The following PRRX2 variants were observed in gnomAD, a reference collection of about 807,000 sequenced individuals.
PRRX2 encodes paired mesoderm homeobox protein 2.
In PRRX2, 11 loss-of-function variants were observed where a neutral mutation model predicts 18.0. That is an observed-to-expected ratio of 0.61 (90% CI 0.39 to 1.01). PRRX2 has a LOEUF of 1.01. Among genes scored for constraint, PRRX2 ranks in the 50% least tolerant of loss-of-function variants. The pLI is 0.01. For missense variants in PRRX2, 387 were observed against 351.0 expected, an observed-to-expected ratio of 1.10 and a Z score of -0.82; for synonymous variants, 177 against 154.8, an observed-to-expected ratio of 1.14 and a Z score of -1.06.
At chr9:129,718,275 T>C (rs1832740478) in intron 1 of PRRX2, among the ~76,000 whole-genome samples, 1 of 152,150 alleles carries the variant, frequency 6.6e-6, no homozygotes, top group South Asian at 2.1e-4. Context: ...ATTGGAGAAC[T>C]CTTGGGGATC....
intron 1 of PRRX2, among the ~76,000 whole-genome samples, chr9:129,683,855 G>A (rs899434897): frequency 6.6e-6 from 1 of 152,180 alleles, no homozygotes; most frequent in Admixed American, 6.5e-5. Context: ...CCCCCAGGCT[G>A]CACAGCCAGC....
chr9:129,712,608 A>T (rs927595060), intron 1 of PRRX2, among the ~76,000 whole-genome samples: 2 of 152,180 alleles, frequency 1.3e-5, no homozygotes, highest in Non-Finnish European at 2.9e-5. Context: ...ACTGTAATGT[A>T]ATCGGGGACG....
intron 2 of PRRX2, among the ~76,000 whole-genome samples, chr9:129,719,750 G>A (rs905455907): frequency 5.9e-5 from 9 of 152,184 alleles, no homozygotes; most frequent in African/African-American, 2.2e-4. Flanking sequence ...ACTTTGAGAG[G>A]CCGAGGTGGG....
intron 1 of PRRX2, among the ~76,000 whole-genome samples, chr9:129,698,432 C>G (rs1489182555): frequency 6.6e-6 from 1 of 152,218 alleles, no homozygotes; most frequent in Non-Finnish European, 1.5e-5. Context: ...CGAGTTCCCC[C>G]TGGTGTGCAG....
At chr9:129,717,439 G>A (rs1832723257) in intron 1 of PRRX2, among the ~76,000 whole-genome samples, 1 of 69,178 alleles carries the variant, frequency 1.4e-5, no homozygotes, top group South Asian at 7.6e-4. Context: ...GCTCACACCT[G>A]TAATCCCAGC....
chr9:129,719,259 C>A lies in PRRX2; in HGVS notation c.288C>A (p.Ser96Arg). 2 of 1,603,940 alleles carry A rather than the reference C, an allele frequency of 1.2e-6. No individual in the cohort carries two copies. Among genetic ancestry groups the A allele is most frequent in the Non-Finnish European group, 1.7e-6 (2 of 1,175,554 alleles). The change falls in exon 2 of 4, where the codon AGC (serine) becomes AGA (arginine). Residue 96 changes from serine to arginine, a missense_variant. Ser to Arg is a moderately radical substitution (Grantham distance 110). Coordinates refer to ENST00000372469, the MANE Select transcript of PRRX2 (RefSeq NM_016307.4). Reference sequence around the variant, plus strand: ...AGTGTCCCAGCCCGGGGCGCGGTAGCGCCGCCAAGCGGAAGAAGAAGCAGC... The same window carrying A: ...AGTGTCCCAGCCCGGGGCGCGGTAGAGCCGCCAAGCGGAAGAAGAAGCAGC... ...DGECPSPGRG[S>R]AAKRKKKQRR...
intron 1 of PRRX2, among the ~76,000 whole-genome samples, chr9:129,672,049 T>A (rs1186529385): frequency 6.6e-6 from 1 of 152,114 alleles, no homozygotes; most frequent in Non-Finnish European, 1.5e-5. Context: ...GGCAAGAATG[T>A]GGGGTCAGGC....
In PRRX2 at chr9:129,715,639, GA is replaced by G. The variant is rs1207317591; in HGVS notation, c.260-3591del. Among the ~76,000 whole-genome samples the G allele has an allele frequency of 1.3e-5, 2 of 151,922 alleles. No individual in the cohort carries two copies. Among genetic ancestry groups the G allele is most frequent in the East Asian group, 3.9e-4 (2 of 5,182 alleles). Reference sequence around the variant, plus strand: ...AGCACTCCTGGCCTCTTTACCATTAGATCCTAGTAGCACCCCTTCCCCAGTC... The same window carrying G: ...AGCACTCCTGGCCTCTTTACCATTAGTCCTAGTAGCACCCCTTCCCCAGTC... On this transcript the variant is annotated intron_variant, in intron 1 of 3. Coordinates refer to ENST00000372469, the MANE Select transcript of PRRX2 (RefSeq NM_016307.4). This position sits in a 1 kb window ranked among gnomAD's most constrained non-coding sequence, Gnocchi z 4.0.
chr9:129,679,401 G>A (rs1201276159), intron 1 of PRRX2, among the ~76,000 whole-genome samples: 1 of 152,144 alleles, frequency 6.6e-6, no homozygotes, highest in Non-Finnish European at 1.5e-5. Context: ...CATGATCCAA[G>A]AGGACCATTT....
intron 1 of PRRX2, among the ~76,000 whole-genome samples, chr9:129,674,417 G>C (rs149018833): frequency 2.0e-5 from 3 of 152,130 alleles, no homozygotes; most frequent in African/African-American, 7.2e-5. Context: ...GTTTGGGGGC[G>C]GTAGGAGGGG....
intron 1 of PRRX2, among the ~76,000 whole-genome samples, chr9:129,683,277 G>A (rs1176011969): frequency 2.6e-5 from 4 of 152,080 alleles, no homozygotes; most frequent in Admixed American, 2.0e-4. Context: ...TGACACACAC[G>A]GTCTCCCCTC....
intron 1 of PRRX2, among the ~76,000 whole-genome samples, chr9:129,688,035 A>T (rs549634541): frequency 6.6e-6 from 1 of 152,108 alleles, no homozygotes; most frequent in Admixed American, 6.5e-5. Context: ...AGCTAGGATT[A>T]CAAGTGTGCA....
chr9:129,722,283 C>T lies in PRRX2; in HGVS notation c.693C>T (p.Ser231=), dbSNP rs1832803430. The change falls in exon 4 of 4, where the codon AGC becomes AGT. Residue 231 remains serine (S), a synonymous_variant. Transcript: ENST00000372469. ...CCCCAGGGGTCAACATGGCCAACAG[C>T]ATCGCCAGCCTCCGTCTCAAGGCCA... is the stretch of plus-strand genomic sequence containing the variant. ...PATPGVNMAN[S]IASLRLKAKE... 2 of 1,613,932 alleles carry T rather than the reference C, an allele frequency of 1.2e-6. No individual in the cohort carries two copies. The highest frequency in any genetic ancestry group is 1.3e-5 in the African/African-American group (1 of 74,922).
intron 1 of PRRX2, among the ~76,000 whole-genome samples, chr9:129,682,930 C>G (rs1048866822): frequency 6.6e-6 from 1 of 151,642 alleles, no homozygotes; most frequent in East Asian, 1.9e-4. Flanking sequence ...CATGGTGAAC[C>G]CCCCCCATCT....
At position 129,666,045 on chromosome 9, in the gene PRRX2, G is replaced by A. The variant is rs1832015777; in HGVS notation, c.178G>A (p.Gly60Arg). 1 of 1,053,998 alleles carries A rather than the reference G, an allele frequency of 9.5e-7. No homozygotes were observed. The highest frequency in any genetic ancestry group is 1.1e-6 in the Non-Finnish European group (1 of 878,688). 65.3% of individuals were successfully genotyped at this position (1,053,998 alleles called of 1,614,324 possible). The change falls in exon 1 of 4, where the codon GGG becomes AGG. Residue 60 changes from glycine (G) to arginine (R), a missense_variant. Transcript: ENST00000372469. ...AAAGRLAARP[G>R]ARAEAREGAA... ...GGCCGGGCGGCTGGCGGCGCGCCCCGGGGCCAGGGCCGAGGCGCGGGAGGG... is the reference window on the plus strand; with the variant it reads ...GGCCGGGCGGCTGGCGGCGCGCCCCAGGGCCAGGGCCGAGGCGCGGGAGGG...
At chr9:129,670,706 C>T (rs1564362905) in intron 1 of PRRX2, among the ~76,000 whole-genome samples, 1 of 152,170 alleles carries the variant, frequency 6.6e-6, no homozygotes, top group Non-Finnish European at 1.5e-5. Context: ...GTCCATAATA[C>T]TGTTTTCCAC....
Position 129,719,373 on chromosome 9 carries a change from C to G in PRRX2, c.402C>G (p.Arg134=). The change falls in exon 2 of 4, where the codon CGC becomes CGG. Residue 134 remains arginine, a synonymous_variant. Transcript: ENST00000372469. The part of the protein sequence containing the change: ...ERTHYPDAFV[R]EELARRVNLS... ...CGCACTACCCCGACGCCTTTGTGCGCGAGGAGCTTGCCCGGCGCGTCAACC... is the reference window on the plus strand; with the variant it reads ...CGCACTACCCCGACGCCTTTGTGCGGGAGGAGCTTGCCCGGCGCGTCAACC... 6.4e-7 allele frequency: 1 copy of G among 1,563,812 alleles called. No homozygotes were observed. The highest frequency in any genetic ancestry group is 8.7e-7 in the Non-Finnish European group (1 of 1,155,414).
chr9:129,665,851 C>G lies in PRRX2; in HGVS notation c.-17C>G. The G allele has an allele frequency of 1.9e-6, 2 of 1,036,730 alleles. No individual in the cohort carries two copies. The highest frequency in any genetic ancestry group is 2.3e-6 in the Non-Finnish European group (2 of 866,628). 64.2% of individuals were successfully genotyped at this position (1,036,730 alleles called of 1,614,324 possible). ...AGCCCGAGACCCCCGCCGGCCCCCCCGGGGCCGCTCGCGGGCATGGACAGC... is the reference window on the plus strand; with the variant it reads ...AGCCCGAGACCCCCGCCGGCCCCCCGGGGGCCGCTCGCGGGCATGGACAGC... On this transcript the variant is annotated 5_prime_UTR_variant, in exon 1 of 4. Coordinates refer to ENST00000372469, the MANE Select transcript of PRRX2 (RefSeq NM_016307.4). The surrounding 1 kb of genome is among the most constrained non-coding windows in gnomAD (Gnocchi z 5.3).
chr9:129,693,329 C>T (rs917347021), intron 1 of PRRX2, among the ~76,000 whole-genome samples: 1 of 152,170 alleles, frequency 6.6e-6, no homozygotes, highest in Non-Finnish European at 1.5e-5. Context: ...TGCGGTGGCT[C>T]ACACCTGTAA....
Sources: allele counts gnomAD v4.1 joint callset (sites outside exome capture counted in the v4.1 genomes callset), GRCh38; gene constraint gnomAD v4.1.1; non-coding constraint Gnocchi (gnomAD v3.1); transcripts MANE v1.5; gene names NCBI Gene and HGNC (gene_info 2026-07-23, HGNC 2026-07-21).